RELN: variants seen among roughly 807,000 people sequenced by gnomAD.
The protein encoded by RELN is reelin.
RELN carries 108 observed loss-of-function variants against 427.6 expected under a neutral mutation model. That is an observed-to-expected ratio of 0.25 (90% confidence interval 0.22 to 0.30). The LOEUF is 0.30. RELN is among the 10% of genes least tolerant of loss of function. RELN has a pLI of 1.00. For missense variants in RELN, 3,715 were observed against 4,302.8 expected, an observed-to-expected ratio of 0.86 and a Z score of 3.82; for synonymous variants, 1,524 against 1,513.4, an observed-to-expected ratio of 1.01 and a Z score of -0.16.
At position 103,937,192 on chromosome 7, in the gene RELN, T is replaced by C. The variant is rs192837487; in HGVS notation, c.227-20007A>G. On this transcript the variant is annotated intron_variant, in intron 1 of 64. Transcript: ENST00000428762. ...CAGAAGTGGGCACGCAATAGATATT[T>C]AATTAATCAATTCATTAGAAGAAAG... 2.2e-4 allele frequency among the ~76,000 whole-genome samples: 34 copies of C among 152,346 alleles called. No homozygotes were observed. The East Asian group carries it at 6.2e-3, about 28-fold the overall frequency.
intron 19 of RELN, among the ~76,000 whole-genome samples, chr7:103,632,479 T>C (rs1446886997): frequency 6.6e-6 from 1 of 152,216 alleles, no homozygotes; most frequent in Non-Finnish European, 1.5e-5. Flanking sequence ...AGACTATAAG[T>C]GCTAATGCCA....
chr7:103,666,724 A>G (rs540451674), intron 11 of RELN, among the ~76,000 whole-genome samples: 1 of 152,286 alleles, frequency 6.6e-6, no homozygotes, highest in Non-Finnish European at 1.5e-5. Context: ...TTTTACATTA[A>G]TTCCTCAGTT....
intron 3 of RELN, among the ~76,000 whole-genome samples, chr7:103,783,926 A>G (rs1327162276): frequency 6.6e-6 from 1 of 152,198 alleles, no homozygotes; most frequent in Non-Finnish European, 1.5e-5. Flanking sequence ...TTGCATTGAA[A>G]TAAAGAGTAA....
intron 2 of RELN, among the ~76,000 whole-genome samples, chr7:103,845,043 T>C (rs1295631222): frequency 6.6e-6 from 1 of 152,200 alleles, no homozygotes; most frequent in Non-Finnish European, 1.5e-5. Flanking sequence ...ACATCCAGAC[T>C]GGCTAAACTA....
At chr7:103,780,717 T>C (rs1039594919) in intron 3 of RELN, among the ~76,000 whole-genome samples, 45 of 152,186 alleles carry the variant, frequency 3.0e-4, no homozygotes, top group African/African-American at 1.1e-3. Flanking sequence ...CATATCCCTA[T>C]GAAGGACCTG....
intron 11 of RELN, among the ~76,000 whole-genome samples, chr7:103,662,427 C>T (rs112017933): frequency 0.035 from 5,380 of 152,088 alleles, 150 homozygotes; most frequent in East Asian, 0.14. Context: ...TGAGACCATC[C>T]TGGCTAACAG....
At chr7:103,633,631 T>C (rs960576354) in intron 19 of RELN, among the ~76,000 whole-genome samples, 5 of 152,128 alleles carry the variant, frequency 3.3e-5, no homozygotes, top group Admixed American at 3.3e-4. Context: ...TGCTGTCAAA[T>C]GGCAGGCAAG....
chr7:103,779,535 C>T (rs888641839), intron 3 of RELN, among the ~76,000 whole-genome samples: 1 of 152,104 alleles, frequency 6.6e-6, no homozygotes, highest in African/African-American at 2.4e-5. Flanking sequence ...TCCTCGGACA[C>T]AGAGCTACTG....
At chr7:103,739,356 A>G (rs1450517814) in intron 6 of RELN, among the ~76,000 whole-genome samples, 2 of 152,224 alleles carry the variant, frequency 1.3e-5, no homozygotes, top group African/African-American at 2.4e-5. Context: ...GAATTTAGTT[A>G]TACGAGGTTT....
intron 1 of RELN, among the ~76,000 whole-genome samples, chr7:103,987,575 A>G (rs771948700): frequency 1.3e-5 from 2 of 152,166 alleles, no homozygotes; most frequent in Non-Finnish European, 2.9e-5. Flanking sequence ...TCACTCACTT[A>G]CCCACCGTTC....
At chr7:103,537,416 T>A (rs924031849) in intron 45 of RELN, among the ~76,000 whole-genome samples, 1 of 152,230 alleles carries the variant, frequency 6.6e-6, no homozygotes, top group Non-Finnish European at 1.5e-5. Context: ...TACTCTCTTG[T>A]TCATGACCTT....
rs748053614 is a variant in RELN at position 103,522,019 on chromosome 7, C to A, written c.7668+3G>T. 6.2e-6 allele frequency: 10 copies of A among 1,613,958 alleles called. No homozygotes were observed. The highest frequency in any genetic ancestry group is 7.6e-6 in the Non-Finnish European group (9 of 1,179,968). ...AATGAGTAACCAGCAGCCAAACACTCACCCCACTGAAATGGAGAGCCATTC... is the reference window on the plus strand; with the variant it reads ...AATGAGTAACCAGCAGCCAAACACTAACCCCACTGAAATGGAGAGCCATTC... On this transcript the variant is annotated splice_donor_region_variant and intron_variant, in intron 48 of 64. Coordinates refer to ENST00000428762, the MANE Select transcript of RELN (RefSeq NM_005045.4).
chr7:103,801,880 A>C (rs966207376), intron 3 of RELN, among the ~76,000 whole-genome samples: 1 of 152,172 alleles, frequency 6.6e-6, no homozygotes, highest in Non-Finnish European at 1.5e-5. Context: ...AATAATTTTG[A>C]TTTAATATAG....
intron 6 of RELN, among the ~76,000 whole-genome samples, chr7:103,729,711 A>G (rs1790305055): frequency 6.6e-6 from 1 of 152,166 alleles, no homozygotes. Flanking sequence ...TTTTGAGCAC[A>G]TTGTATTCCT....
intron 24 of RELN, among the ~76,000 whole-genome samples, chr7:103,599,040 G>T (rs1399801127): frequency 2.0e-5 from 3 of 152,078 alleles, no homozygotes; most frequent in Non-Finnish European, 4.4e-5. Context: ...TGCTTTAAGG[G>T]TTTAGCTAAA....
chr7:103,826,163 C>T (rs1793132875), intron 3 of RELN, among the ~76,000 whole-genome samples: 1 of 133,534 alleles, frequency 7.5e-6, no homozygotes, highest in Non-Finnish European at 1.7e-5. Context: ...GTGATGCCTT[C>T]CACCATGTTA....
At chr7:103,537,465 T>A (rs1036843424) in intron 45 of RELN, among the ~76,000 whole-genome samples, 2 of 152,208 alleles carry the variant, frequency 1.3e-5, no homozygotes, top group African/African-American at 4.8e-5. Context: ...TTAAGGCCCT[T>A]CTTAATTTGT....
chr7:103,587,019 T>C (rs1024458961), intron 28 of RELN, among the ~76,000 whole-genome samples: 2 of 152,094 alleles, frequency 1.3e-5, no homozygotes, highest in African/African-American at 4.8e-5. Flanking sequence ...TTTCACAGAA[T>C]TGGAAAAAAC....
rs538750518 is a variant in RELN at position 103,556,926 on chromosome 7, G to T, written c.5797+51C>A. On this transcript the variant is annotated intron_variant, in intron 38 of 64. Coordinates refer to ENST00000428762, the MANE Select transcript of RELN (RefSeq NM_005045.4). ...TCCTCCACACCTTAGAAACAAATGT[G>T]TTAACATGCCACTATCAGTTCTGAT... The T allele has an allele frequency of 7.6e-6, 11 of 1,438,688 alleles. No homozygotes were observed. The South Asian group carries it at 8.0e-5, about 10-fold the overall frequency. The allele number at this position is 1,438,688 out of a possible 1,614,324, so 89.1% of individuals were successfully genotyped here. A position where few individuals can be genotyped will look rare whatever the true frequency, so the allele number is the denominator to read the frequency against.
Sources: allele counts gnomAD v4.1 joint callset (sites outside exome capture counted in the v4.1 genomes callset), GRCh38; gene constraint gnomAD v4.1.1; transcripts MANE v1.5; gene names NCBI Gene and HGNC (gene_info 2026-07-23, HGNC 2026-07-21).